Variants in SLC35F1 observed in about 807,000 individuals in gnomAD.
The protein encoded by SLC35F1 is chromosome 6 open reading frame 169.
In SLC35F1, 14 loss-of-function variants were observed where a neutral mutation model predicts 48.7. The ratio of observed to expected loss-of-function variants is 0.29; its 90% CI spans 0.19 to 0.45. The LOEUF (loss-of-function observed/expected upper bound fraction) is 0.45. Among genes scored for constraint, SLC35F1 ranks in the 20% least tolerant of loss-of-function variants. The pLI, the probability that SLC35F1 is intolerant of heterozygous loss-of-function variation, is 1.00. For missense variants in SLC35F1, 404 were observed against 500.0 expected, an observed-to-expected ratio of 0.81 and a Z score of 1.83; for synonymous variants, 190 against 202.2, an observed-to-expected ratio of 0.94 and a Z score of 0.51.
At chr6:118,266,905 C>G in intron 3 of SLC35F1, 90 bp from the exon 4 acceptor site, 2 of 1,436,756 alleles carry the variant, frequency 1.4e-6, no homozygotes, top group Non-Finnish European at 1.9e-6. Flanking sequence ...AGGCAGAACC[C>G]TTTCTGCAGA....
chr6:118,088,155 G>A (rs533174085), intron 1 of SLC35F1, among the ~76,000 whole-genome samples: 47 of 152,176 alleles, frequency 3.1e-4, no homozygotes, highest in Non-Finnish European at 4.1e-4. Flanking sequence ...ATTAAACTGC[G>A]TATCTTTTTA....
intron 1 of SLC35F1, among the ~76,000 whole-genome samples, chr6:118,066,104 G>T (rs1772609955): frequency 6.6e-6 from 1 of 152,050 alleles, no homozygotes; most frequent in African/African-American, 2.4e-5. Flanking sequence ...AGCACCCTTT[G>T]GGATTTTTGC....
In SLC35F1 at chr6:117,907,910, G is replaced by A; in HGVS notation, c.173+11G>A. ...CAAAGTGCTGAACAGGTGAGCGGCG[G>A]CGCCGGGCGAGGGCGCGGGGGGCGG... On this transcript the variant is annotated intron_variant, in intron 1 of 7. Coordinates refer to ENST00000360388, the MANE Select transcript of SLC35F1 (RefSeq NM_001029858.4). The A allele has an allele frequency of 1.5e-6, 2 of 1,323,628 alleles. No homozygotes were observed. The highest frequency in any genetic ancestry group is 9.6e-7 in the Non-Finnish European group (1 of 1,042,364). 82.0% of individuals were successfully genotyped at this position (1,323,628 alleles called of 1,614,324 possible). A position where few individuals can be genotyped will look rare whatever the true frequency, so the allele number is the denominator to read the frequency against.
intron 1 of SLC35F1, among the ~76,000 whole-genome samples, chr6:118,015,407 T>A (rs1777307334): frequency 6.6e-6 from 1 of 152,108 alleles, no homozygotes; most frequent in South Asian, 2.1e-4. Context: ...ATAAGCCTAG[T>A]ACCCAATAGT....
At chr6:117,975,598 C>T (rs1776695594) in intron 1 of SLC35F1, among the ~76,000 whole-genome samples, 1 of 152,046 alleles carries the variant, frequency 6.6e-6, no homozygotes, top group Non-Finnish European at 1.5e-5. Context: ...TTTAAAAACT[C>T]CCAGATTAGA....
chr6:118,274,786 A>T (rs1037963297), intron 4 of SLC35F1, among the ~76,000 whole-genome samples: 1 of 152,210 alleles, frequency 6.6e-6, no homozygotes, highest in African/African-American at 2.4e-5. Flanking sequence ...TATGTTACTT[A>T]CCTCAGGGGA....
At chr6:117,949,953 C>A (rs1171751224) in intron 1 of SLC35F1, among the ~76,000 whole-genome samples, 1 of 152,004 alleles carries the variant, frequency 6.6e-6, no homozygotes, top group Non-Finnish European at 1.5e-5. Flanking sequence ...TAGAATCGTC[C>A]CCCACCCACT....
At chr6:118,160,650 A>C (rs1774216765) in intron 2 of SLC35F1, among the ~76,000 whole-genome samples, 1 of 152,236 alleles carries the variant, frequency 6.6e-6, no homozygotes, top group African/African-American at 2.4e-5. Context: ...TGTAAGTGCG[A>C]AGACTGAAGC....
At chr6:118,005,037 G>A (rs1419046255) in intron 1 of SLC35F1, among the ~76,000 whole-genome samples, 1 of 152,210 alleles carries the variant, frequency 6.6e-6, no homozygotes, top group East Asian at 1.9e-4. Flanking sequence ...GATATGAAAA[G>A]GAAAAGGTTA....
intron 3 of SLC35F1, among the ~76,000 whole-genome samples, chr6:118,265,576 A>G (rs1562344454): frequency 6.6e-6 from 1 of 152,188 alleles, no homozygotes; most frequent in African/African-American, 2.4e-5. Flanking sequence ...AGGAGTGTAC[A>G]TAAGTGAAGG....
intron 3 of SLC35F1, among the ~76,000 whole-genome samples, chr6:118,245,010 A>G (rs1241186089): frequency 6.6e-6 from 1 of 152,214 alleles, no homozygotes; most frequent in African/African-American, 2.4e-5. Flanking sequence ...TGGAACACTA[A>G]ACACCTTTTC....
intron 1 of SLC35F1, among the ~76,000 whole-genome samples, chr6:118,131,656 A>G (rs925304805): frequency 4.6e-5 from 7 of 152,080 alleles, no homozygotes; most frequent in African/African-American, 1.7e-4. Flanking sequence ...CTATTTAAAC[A>G]TAGGTGCTCT....
chr6:118,039,517 G>A (rs1162967861), intron 1 of SLC35F1, among the ~76,000 whole-genome samples: 2 of 151,556 alleles, frequency 1.3e-5, no homozygotes, highest in African/African-American at 2.4e-5. Context: ...AGGTCTCTGA[G>A]GTTTGTTCAT....
chr6:118,016,436 A>G (rs979434056), intron 1 of SLC35F1, among the ~76,000 whole-genome samples: 1 of 152,240 alleles, frequency 6.6e-6, no homozygotes, highest in East Asian at 1.9e-4. Flanking sequence ...AGAAAGGCCA[A>G]GAAATCTGAA....
At chr6:118,262,668 T>C (rs1775727497) in intron 3 of SLC35F1, among the ~76,000 whole-genome samples, 1 of 152,206 alleles carries the variant, frequency 6.6e-6, no homozygotes, top group African/African-American at 2.4e-5. Flanking sequence ...ATAGAGTAGA[T>C]ACAGTCATAA....
chr6:118,236,091 T>C (rs1423276977), intron 3 of SLC35F1, among the ~76,000 whole-genome samples: 1 of 152,194 alleles, frequency 6.6e-6, no homozygotes, highest in Non-Finnish European at 1.5e-5. Flanking sequence ...TTAATAATCT[T>C]TTCTTTTAGC....
intron 1 of SLC35F1, among the ~76,000 whole-genome samples, chr6:118,039,906 T>G (rs1772190510): frequency 6.6e-6 from 1 of 151,674 alleles, no homozygotes; most frequent in Non-Finnish European, 1.5e-5. Context: ...TGGGTTCTGT[T>G]ATAATCTTCT....
chr6:118,088,187 A>G lies in SLC35F1; in HGVS notation c.174-66258A>G, dbSNP rs77375189. On this transcript the variant is annotated intron_variant, in intron 1 of 7. Transcript: ENST00000360388. ...TTTATATATTTTTCGTGGTGATCTC[A>G]CACAAAGAACTATTTATTCCTAGCA... Among the ~76,000 whole-genome samples the G allele has an allele frequency of 8.5e-3, 1,290 of 152,310 alleles. 13 individuals carry two copies. The highest frequency in any genetic ancestry group is 0.014 in the Non-Finnish European group (978 of 68,014).
At chr6:118,142,576 T>A (rs1209204877) in intron 1 of SLC35F1, among the ~76,000 whole-genome samples, 1 of 152,054 alleles carries the variant, frequency 6.6e-6, no homozygotes, top group African/African-American at 2.4e-5. Context: ...TTTTTTTTGT[T>A]AGAATCATCC....
Sources: gnomAD v4.1 joint callset for allele counts (sites outside exome capture counted in the v4.1 genomes callset) on GRCh38, gnomAD v4.1.1 for gene constraint, MANE v1.5 for transcripts, NCBI Gene and HGNC (gene_info 2026-07-23, HGNC 2026-07-21) for gene names.